The following HMSD variants were observed in gnomAD, a reference collection of about 807,000 sequenced individuals.
HMSD encodes the protein serpin-like protein HMSD.
A neutral mutation model predicts 10.0 loss-of-function variants in HMSD; 13 were observed. That is an observed-to-expected ratio of 1.31 (90% CI 0.85 to 2.08). The LOEUF (loss-of-function observed/expected upper bound fraction) is 2.08, where lower values mean the gene tolerates loss of function less well. Ranked by LOEUF, HMSD falls within the 30% of genes most tolerant of loss-of-function variation. HMSD has a pLI of 0.00. For synonymous variants in HMSD, 51 were observed against 54.2 expected (o/e 0.94, Z 0.26); for missense variants, 169 against 166.3 (o/e 1.02, Z -0.09).
chr18:63,965,735 A>G (rs565256247), downstream of HMSD, among the ~76,000 whole-genome samples: 5 of 152,294 alleles, frequency 3.3e-5, no homozygotes, highest in South Asian at 1.0e-3. Flanking sequence ...TTGTGTTGCT[A>G]TATAGGAATA....
At chr18:63,954,273 C>A in intron 2 of HMSD, 135 bp from the exon 3 acceptor site, 1 of 672,472 alleles carries the variant, frequency 1.5e-6, no homozygotes, top group Non-Finnish European at 2.5e-6. Flanking sequence ...CACTCTCTAT[C>A]TTTTATTAGA....
downstream of HMSD, among the ~76,000 whole-genome samples, chr18:63,963,075 T>TTTCTTTC (rs1568261251): frequency 3.1e-3 from 82 of 26,770 alleles, no homozygotes; most frequent in African/African-American, 9.0e-3. Context: ...TTCTTTCTCT[T>TTTCTTTC]TCTTTCTTTC....
intron 3 of HMSD, chr18:63,968,461 G>C (rs2050422089): frequency 6.6e-6 from 1 of 152,206 alleles, no homozygotes; most frequent in Non-Finnish European, 1.5e-5. Context: ...CTGCAGGCCT[G>C]GATACGTCAT....
chr18:63,961,667 T>C lies in HMSD; in HGVS notation c.*1312T>C, dbSNP rs372500672. On this transcript the variant is annotated 3_prime_UTR_variant, in exon 4 of 4. Coordinates refer to ENST00000408945, the MANE Select transcript of HMSD (RefSeq NM_001123366.2). ...AAATTATTCAAACAAGCCTGTCACA[T>C]CTGGAGGAGCCAGGAATCGCCTCTT... is the stretch of plus-strand genomic sequence containing the variant. 1.3e-5 allele frequency: 2 copies of C among 152,346 alleles called. No individual in the cohort carries two copies. Among genetic ancestry groups the C allele is most frequent in the Non-Finnish European group, 2.9e-5 (2 of 68,114 alleles). 9.4% of individuals were successfully genotyped at this position (152,346 alleles called of 1,614,324 possible). A position where few individuals can be genotyped will look rare whatever the true frequency, so the allele number is the denominator to read the frequency against.
intron 3 of HMSD, among the ~76,000 whole-genome samples, chr18:63,959,403 T>A (rs979287774): frequency 6.6e-6 from 1 of 152,216 alleles, no homozygotes; most frequent in African/African-American, 2.4e-5. Flanking sequence ...AGATTTCTTC[T>A]GTGATTCGTG....
downstream of HMSD, among the ~76,000 whole-genome samples, chr18:63,963,227 GCTTCCTTCCTTCCTTC>G (rs1377691451): frequency 1.7e-4 from 11 of 66,266 alleles, no homozygotes; most frequent in Admixed American, 1.8e-3. Flanking sequence ...TTCCTTCCTT[GCTTCCTTCCTTCCTTC>G]CTTGCTTCCT....
downstream of HMSD, among the ~76,000 whole-genome samples, chr18:63,963,133 C>CTTTCTTTCTTTCTTTT (rs748638278): frequency 3.6e-4 from 39 of 108,452 alleles, no homozygotes; most frequent in African/African-American, 1.2e-3. Flanking sequence ...TTCTTTCTTT[C>CTTTCTTTCTTTCTTTT]CTTTCTTTCT....
chr18:63,963,087 T>TTC (rs1436243480), downstream of HMSD, among the ~76,000 whole-genome samples: 214 of 102,690 alleles, frequency 2.1e-3, no homozygotes, highest in African/African-American at 8.9e-3. Context: ...CTTTCTTTCT[T>TTC]TCTTTCTTTC....
downstream of HMSD, chr18:63,966,772 G>C (rs966464721): frequency 6.6e-6 from 1 of 152,226 alleles, no homozygotes; most frequent in African/African-American, 2.4e-5. Flanking sequence ...AGTTCTCTGG[G>C]AATGTGGCCA....
downstream of HMSD, among the ~76,000 whole-genome samples, chr18:63,965,641 G>T (rs143726272): frequency 0.011 from 1,692 of 152,228 alleles, 21 homozygotes; most frequent in Middle Eastern, 0.027. Flanking sequence ...ATCAGCAGAG[G>T]CTCTACAACA....
chr18:63,954,350 A>G (rs929254080), intron 2 of HMSD, 58 bp from the exon 3 acceptor site: 57 of 1,237,264 alleles, frequency 4.6e-5, no homozygotes, highest in Admixed American at 9.0e-5. Context: ...TGTTGTGCCT[A>G]TATTTTGAAG....
intron 3 of HMSD, among the ~76,000 whole-genome samples, 156 bp from the exon 4 acceptor site, chr18:63,960,002 A>G (rs2050377725): frequency 6.6e-6 from 1 of 152,236 alleles, no homozygotes; most frequent in African/African-American, 2.4e-5. Flanking sequence ...ATAGCTGAAA[A>G]GAATTTGGAC....
Position 63,961,257 on chromosome 18 carries a change from A to C in HMSD, c.*902A>C, listed in dbSNP as rs900582890. ...TCAAATCATTTCAATATGAATTATG[A>C]AAATGAATGATAATGGTTTTATCTG... is the stretch of plus-strand genomic sequence containing the variant. On this transcript the variant is annotated 3_prime_UTR_variant, in exon 4 of 4. Coordinates refer to ENST00000408945, the MANE Select transcript of HMSD (RefSeq NM_001123366.2). 1 of 152,100 alleles carries C rather than the reference A, an allele frequency of 6.6e-6. No individual in the cohort carries two copies. The highest frequency in any genetic ancestry group is 1.9e-4 in the East Asian group (1 of 5,176). The allele number at this position is 152,100 out of a possible 1,614,324, so 9.4% of individuals were successfully genotyped here.
In HMSD at chr18:63,960,542, C is replaced by T. The variant is rs2050381104; in HGVS notation, c.*187C>T. Reference sequence around the variant, plus strand: ...TAATATTAGGTAGTTTTTCTTTTCACAAATAGCGTTAAAATTTGAATTTAA... The same window carrying T: ...TAATATTAGGTAGTTTTTCTTTTCATAAATAGCGTTAAAATTTGAATTTAA... On this transcript the variant is annotated 3_prime_UTR_variant, in exon 4 of 4. Coordinates refer to ENST00000408945, the MANE Select transcript of HMSD (RefSeq NM_001123366.2). 2 of 829,502 alleles carry T rather than the reference C, an allele frequency of 2.4e-6. No individual in the cohort carries two copies. The highest frequency in any genetic ancestry group is 3.9e-5 in the Admixed American group (1 of 25,400). 51.4% of individuals were successfully genotyped at this position (829,502 alleles called of 1,614,324 possible). A position where few individuals can be genotyped will look rare whatever the true frequency, so the allele number is the denominator to read the frequency against.
chr18:63,956,968 G>A lies in HMSD; in HGVS notation c.222+2411G>A, dbSNP rs558149584. On this transcript the variant is annotated intron_variant, in intron 3 of 3. Transcript: ENST00000408945. ...CTATTAATCATAAGCAAACTAATACGGGAGTAGGAAACCAAATACCACATG... is the reference window on the plus strand; with the variant it reads ...CTATTAATCATAAGCAAACTAATACAGGAGTAGGAAACCAAATACCACATG... 1.3e-3 allele frequency among the ~76,000 whole-genome samples: 199 copies of A among 152,122 alleles called. 2 individuals carry two copies. Among genetic ancestry groups the A allele is most frequent in the African/African-American group, 4.6e-3 (192 of 41,512 alleles).
chr18:63,960,012 C>T (rs1225418219), intron 3 of HMSD, 146 bp from the exon 4 acceptor site: 2 of 843,644 alleles, frequency 2.4e-6, no homozygotes, highest in East Asian at 2.7e-5. Flanking sequence ...AGAATTTGGA[C>T]TTTAGGTTAA....
At chr18:63,963,128 TC>T (rs776017996), downstream of HMSD, among the ~76,000 whole-genome samples, 163 of 134,422 alleles carry the variant, frequency 1.2e-3, no homozygotes, top group South Asian at 2.6e-3. Context: ...TTTCTTTCTT[TC>T]TTTCCTTTCT....
intron 3 of HMSD, among the ~76,000 whole-genome samples, chr18:63,967,253 G>GC (rs1333725773): frequency 2.0e-5 from 3 of 152,108 alleles, no homozygotes; most frequent in African/African-American, 7.2e-5. Context: ...CTGCTTCAGT[G>GC]CCCCCTAGTA....
At chr18:63,955,929 A>G (rs1212911811) in intron 3 of HMSD, among the ~76,000 whole-genome samples, 1 of 152,132 alleles carries the variant, frequency 6.6e-6, no homozygotes, top group African/African-American at 2.4e-5. Context: ...GGAATGGGAG[A>G]ATCCTCCTGT....
Sources: gnomAD v4.1 joint callset for allele counts (sites outside exome capture counted in the v4.1 genomes callset) on GRCh38, gnomAD v4.1.1 for gene constraint, MANE v1.5 for transcripts, NCBI Gene and HGNC (gene_info 2026-07-23, HGNC 2026-07-21) for gene names.